The following PDE1A variants were observed in gnomAD, a reference collection of about 807,000 sequenced individuals.
PDE1A encodes phosphodiesterase 1A.
In PDE1A, 35 loss-of-function variants were observed where a neutral mutation model predicts 61.7. The ratio of observed to expected loss-of-function variants is 0.57; its 90% CI spans 0.43 to 0.75. The LOEUF (loss-of-function observed/expected upper bound fraction) is 0.75. PDE1A is among the 30% of genes least tolerant of loss of function. PDE1A has a pLI of 0.00. For synonymous variants in PDE1A, 232 were observed against 213.2 expected, an observed-to-expected ratio of 1.09 and a Z score of -0.77; for missense variants, 597 against 630.6, an observed-to-expected ratio of 0.95 and a Z score of 0.57.
the PDE1A span, among the ~76,000 whole-genome samples, chr2:182,543,940 T>A: frequency 1.3e-5 from 2 of 152,160 alleles, no homozygotes; most frequent in Non-Finnish European, 2.9e-5. Context: ...CAACTCTTCC[T>A]CTCTGTCTCT....
intron 7 of PDE1A, among the ~76,000 whole-genome samples, chr2:182,218,084 C>T (rs899415682): frequency 1.3e-5 from 2 of 149,448 alleles, no homozygotes; most frequent in Non-Finnish European, 3.0e-5. Flanking sequence ...GAATACTATG[C>T]AGCCATAAAA....
intron 1 of PDE1A, among the ~76,000 whole-genome samples, chr2:182,318,531 GC>G (rs1381044107): frequency 6.6e-6 from 1 of 152,146 alleles, no homozygotes; most frequent in Non-Finnish European, 1.5e-5. Flanking sequence ...GTTAGGAGGT[GC>G]TAAGGCTGTT....
intron 2 of PDE1A, among the ~76,000 whole-genome samples, chr2:182,442,405 A>G (rs1054292889): frequency 4.6e-5 from 7 of 151,982 alleles, no homozygotes; most frequent in African/African-American, 1.2e-4. Context: ...TTCCTTCTAC[A>G]TTAGGAATGA....
chr2:182,340,251 AT>A (rs1698100448), intron 1 of PDE1A, among the ~76,000 whole-genome samples: 1 of 152,220 alleles, frequency 6.6e-6, no homozygotes, highest in Non-Finnish European at 1.5e-5. Context: ...TCCAATTTAA[AT>A]GTTATTCTTC....
At chr2:182,705,364 C>T in the PDE1A span, among the ~76,000 whole-genome samples, 6 of 152,138 alleles carry the variant, frequency 3.9e-5, no homozygotes, top group Admixed American at 1.3e-4. Flanking sequence ...TTGCTGCCAT[C>T]GACTTGGTGG....
the PDE1A span, among the ~76,000 whole-genome samples, chr2:182,546,014 A>T: frequency 1.3e-5 from 2 of 152,230 alleles, no homozygotes; most frequent in Non-Finnish European, 2.9e-5. Flanking sequence ...GAGTTAGTGG[A>T]GAATAACCCA....
exon 15 of PDE1A, chr2:182,140,167 G>T (rs1056455727): frequency 2.0e-5 from 3 of 152,064 alleles, no homozygotes; most frequent in Admixed American, 1.3e-4. Context: ...TTTGCAACTG[G>T]TTACTTTTTT....
the PDE1A span, among the ~76,000 whole-genome samples, chr2:182,670,876 G>C: frequency 6.6e-6 from 1 of 152,154 alleles, no homozygotes; most frequent in Non-Finnish European, 1.5e-5. Flanking sequence ...GGAGTGCAGT[G>C]GTGTGATCTC....
intron 1 of PDE1A, among the ~76,000 whole-genome samples, chr2:182,271,902 T>C (rs1285917720): frequency 1.3e-5 from 2 of 151,976 alleles, no homozygotes; most frequent in East Asian, 3.9e-4. Flanking sequence ...ACAAAAAACT[T>C]TGAGAAAAGA....
chr2:182,199,110 T>A (rs991606856), intron 10 of PDE1A, among the ~76,000 whole-genome samples: 1 of 151,984 alleles, frequency 6.6e-6, no homozygotes, highest in African/African-American at 2.4e-5. Context: ...GACAATTTCA[T>A]CTAAGTTTTC....
the PDE1A span, among the ~76,000 whole-genome samples, chr2:182,585,996 T>C: frequency 4.6e-5 from 7 of 152,270 alleles, no homozygotes; most frequent in Non-Finnish European, 1.0e-4. Flanking sequence ...ATCAAAAAGA[T>C]ATTACACAGA....
chr2:182,407,006 G>A (rs894043946), intron 1 of PDE1A, among the ~76,000 whole-genome samples: 3 of 151,908 alleles, frequency 2.0e-5, no homozygotes, highest in East Asian at 1.9e-4. Flanking sequence ...AGAGTATAGC[G>A]AGATTTATCA....
At chr2:182,337,838 G>A (rs1317608894) in intron 1 of PDE1A, among the ~76,000 whole-genome samples, 1 of 152,106 alleles carries the variant, frequency 6.6e-6, no homozygotes, top group Admixed American at 6.5e-5. Context: ...AAAAAAGAAA[G>A]TGTGATACCC....
chr2:182,149,830 T>C (rs1690685793), intron 13 of PDE1A, among the ~76,000 whole-genome samples: 1 of 152,178 alleles, frequency 6.6e-6, no homozygotes. Context: ...AGGTTCCAAA[T>C]GGTTTTGAAT....
chr2:182,705,954 T>TA, the PDE1A span, among the ~76,000 whole-genome samples: 1 of 152,248 alleles, frequency 6.6e-6, no homozygotes, highest in African/African-American at 2.4e-5. Flanking sequence ...GATTTACTGC[T>TA]AGTGACAGGA....
At chr2:182,432,249 A>G (rs528161189) in intron 2 of PDE1A, among the ~76,000 whole-genome samples, 1 of 152,212 alleles carries the variant, frequency 6.6e-6, no homozygotes, top group East Asian at 1.9e-4. Flanking sequence ...AGTTATTTAA[A>G]TTTAATGTCC....
At chr2:182,707,252 T>C in the PDE1A span, among the ~76,000 whole-genome samples, 12 of 150,314 alleles carry the variant, frequency 8.0e-5, no homozygotes, top group African/African-American at 2.2e-4. Context: ...AGGCAAAAAA[T>C]TTAAAAGAAG....
intron 13 of PDE1A, among the ~76,000 whole-genome samples, chr2:182,158,509 G>A (rs1691214446): frequency 6.6e-6 from 1 of 152,166 alleles, no homozygotes; most frequent in Admixed American, 6.5e-5. Flanking sequence ...TTTTATAGAA[G>A]TCTCATCTAA....
chr2:182,610,935 T>C, the PDE1A span, among the ~76,000 whole-genome samples: 1 of 152,244 alleles, frequency 6.6e-6, no homozygotes, highest in African/African-American at 2.4e-5. Flanking sequence ...GTATTTTATA[T>C]ACAAAATGTA....
Sources: gnomAD v4.1 joint callset for allele counts (sites outside exome capture counted in the v4.1 genomes callset) on GRCh38, gnomAD v4.1.1 for gene constraint, MANE v1.5 for transcripts, NCBI Gene and HGNC (gene_info 2026-07-23, HGNC 2026-07-21) for gene names.